The following SCRG1 variants were observed in gnomAD, a reference collection of about 807,000 sequenced individuals.
SCRG1 encodes scrapie-responsive protein 1.
A neutral mutation model predicts 7.7 loss-of-function variants in SCRG1; 3 were observed. The ratio of observed to expected loss-of-function variants is 0.39; its 90% CI spans 0.18 to 1.01. The LOEUF (loss-of-function observed/expected upper bound fraction) is 1.01. SCRG1 is among the 50% of genes least tolerant of loss of function. SCRG1 has a pLI of 0.36. For missense variants in SCRG1, 110 were observed against 117.2 expected (o/e 0.94, Z 0.28); for synonymous variants, 46 against 41.2 (o/e 1.12, Z -0.44).
chr4:173,461,976 G>C, the SCRG1 span, among the ~76,000 whole-genome samples: 5 of 152,086 alleles, frequency 3.3e-5, no homozygotes, highest in African/African-American at 1.2e-4. Flanking sequence ...GAATTAGTGG[G>C]CTTGAAGACA....
At chr4:173,515,115 G>A in the SCRG1 span, among the ~76,000 whole-genome samples, 4 of 152,294 alleles carry the variant, frequency 2.6e-5, no homozygotes, top group East Asian at 7.7e-4. This position sits in a 1 kb window ranked among gnomAD's most constrained non-coding sequence, Gnocchi z 4.6. Context: ...GTGGCAACTG[G>A]GGGAAACGGT....
At chr4:173,420,592 T>C in the SCRG1 span, among the ~76,000 whole-genome samples, 1 of 152,060 alleles carries the variant, frequency 6.6e-6, no homozygotes, top group East Asian at 1.9e-4. Context: ...CAGTGTGGAT[T>C]ACCGCACAAA....
chr4:173,453,708 C>T, the SCRG1 span, among the ~76,000 whole-genome samples: 436 of 152,288 alleles, frequency 2.9e-3, no homozygotes, highest in African/African-American at 1.0e-2. Flanking sequence ...CATCATTATA[C>T]GGTGCATAAC....
the SCRG1 span, among the ~76,000 whole-genome samples, chr4:173,494,913 C>G: frequency 6.6e-6 from 1 of 152,202 alleles, no homozygotes. Context: ...TATCAACCAC[C>G]TATTCTGCGT....
the SCRG1 span, among the ~76,000 whole-genome samples, chr4:173,453,231 C>T: frequency 5.9e-5 from 9 of 152,282 alleles, no homozygotes; most frequent in East Asian, 7.7e-4. Context: ...AGACAGACTT[C>T]GTTTTCATAT....
the SCRG1 span, among the ~76,000 whole-genome samples, chr4:173,472,717 A>C: frequency 2.0e-5 from 3 of 152,140 alleles, no homozygotes; most frequent in African/African-American, 7.3e-5. Flanking sequence ...ATTCTAGCCA[A>C]TTGATTGGAT....
At chr4:173,452,349 G>A in the SCRG1 span, among the ~76,000 whole-genome samples, 1 of 152,168 alleles carries the variant, frequency 6.6e-6, no homozygotes, top group Non-Finnish European at 1.5e-5. Context: ...AGTGGGCTGA[G>A]GAAGAGCAAA....
the SCRG1 span, among the ~76,000 whole-genome samples, chr4:173,509,797 A>T: frequency 6.6e-6 from 1 of 152,090 alleles, no homozygotes; most frequent in South Asian, 2.1e-4. The surrounding 1 kb of genome is among the most constrained non-coding windows in gnomAD (Gnocchi z 5.7). Flanking sequence ...CTCTGAAAGG[A>T]GAGGAAACCG....
At chr4:173,508,085 C>G in the SCRG1 span, among the ~76,000 whole-genome samples, 1 of 152,166 alleles carries the variant, frequency 6.6e-6, no homozygotes. This position sits in a 1 kb window ranked among gnomAD's most constrained non-coding sequence, Gnocchi z 4.4. Context: ...CTGGCAGTGC[C>G]TGGGAAAAGC....
chr4:173,405,533 C>T (rs10023261), intron 1 of SCRG1, among the ~76,000 whole-genome samples: 11 of 152,096 alleles, frequency 7.2e-5, no homozygotes, highest in African/African-American at 1.4e-4. Context: ...TCTTTGAGGG[C>T]GGAGTAACTA....
At chr4:173,406,247 TG>T (rs1739902584) in intron 1 of SCRG1, 1 of 152,242 alleles carries the variant, frequency 6.6e-6, no homozygotes, top group South Asian at 2.1e-4. Context: ...GCATCGGAAT[TG>T]TTGGCACATA....
chr4:173,388,513 G>T (rs1739316337), intron 2 of SCRG1, 118 bp from the exon 3 acceptor site: 2 of 651,478 alleles, frequency 3.1e-6, no homozygotes, highest in South Asian at 2.5e-5. Flanking sequence ...TTCTTTTTAG[G>T]TGACTAAAAT....
the SCRG1 span, among the ~76,000 whole-genome samples, chr4:173,500,472 T>TTGTA: frequency 6.7e-6 from 1 of 150,122 alleles, no homozygotes; most frequent in Non-Finnish European, 1.5e-5. Flanking sequence ...TTAGTAAATT[T>TTGTA]TGTGTGTGTG....
At chr4:173,491,467 T>C in the SCRG1 span, among the ~76,000 whole-genome samples, 2 of 152,122 alleles carry the variant, frequency 1.3e-5, no homozygotes, top group Non-Finnish European at 2.9e-5. Flanking sequence ...CAGAGATCGG[T>C]ACCATGTATT....
the SCRG1 span, among the ~76,000 whole-genome samples, chr4:173,440,109 C>A: frequency 6.6e-6 from 1 of 152,132 alleles, no homozygotes; most frequent in African/African-American, 2.4e-5. Context: ...CACTGCCTGG[C>A]AAATGAGAAG....
At position 173,387,815 on chromosome 4, in the gene SCRG1, T is replaced by G. The variant is rs1739284897; in HGVS notation, c.*526A>C. 6.8e-6 allele frequency: 1 copy of G among 146,524 alleles called. No individual in the cohort carries two copies. Among genetic ancestry groups the G allele is most frequent in the Admixed American group, 7.1e-5 (1 of 14,134 alleles). The allele number at this position is 146,524 out of a possible 1,614,324, so 9.1% of individuals were successfully genotyped here. On this transcript the variant is annotated 3_prime_UTR_variant, in exon 3 of 3. Transcript: ENST00000296506. ...GCAGACTCGAAATTCTAGATTCAAA[T>G]GACCCTCTTGAGTAACTAGAACTAC...
chr4:173,399,084 TTTGGTC>T lies in SCRG1; in HGVS notation c.-37_-32del, dbSNP rs1739682513. The T allele has an allele frequency of 6.6e-6, 1 of 152,198 alleles. No individual in the cohort carries two copies. Among genetic ancestry groups the T allele is most frequent in the South Asian group, 2.1e-4 (1 of 4,834 alleles). The allele number at this position is 152,198 out of a possible 1,614,324, so 9.4% of individuals were successfully genotyped here. A position where few individuals can be genotyped will look rare whatever the true frequency, so the allele number is the denominator to read the frequency against. ...ATTACATACCTTTTTCTTCTTTCCT[TTTGGTC>T]TTGGCAGAGGATGCTTCTTAAATGC... On this transcript the variant is annotated 5_prime_UTR_variant, in exon 1 of 3. Transcript: ENST00000296506.
At chr4:173,507,334 C>A in the SCRG1 span, among the ~76,000 whole-genome samples, 1 of 152,060 alleles carries the variant, frequency 6.6e-6, no homozygotes, top group East Asian at 1.9e-4. The surrounding 1 kb of genome is among the most constrained non-coding windows in gnomAD (Gnocchi z 4.4). Context: ...TTCAGCCTCC[C>A]GAGTAGCTGG....
the SCRG1 span, among the ~76,000 whole-genome samples, chr4:173,446,431 TG>T: frequency 3.3e-5 from 5 of 152,300 alleles, no homozygotes; most frequent in Non-Finnish European, 7.3e-5. Flanking sequence ...TAATGAAGAA[TG>T]GTCTTGAAAG....
Sources: gnomAD v4.1 joint callset for allele counts (sites outside exome capture counted in the v4.1 genomes callset) on GRCh38, gnomAD v4.1.1 for gene constraint, Gnocchi (gnomAD v3.1) non-coding constraint, MANE v1.5 for transcripts, NCBI Gene and HGNC (gene_info 2026-07-23, HGNC 2026-07-21) for gene names.